LINGO2: variants seen among roughly 807,000 people sequenced by gnomAD.
LINGO2 encodes the protein leucine rich repeat and Ig domain containing 2.
Under a neutral mutation model 30.6 loss-of-function variants are expected in LINGO2, and 14 were observed. That is an observed-to-expected ratio of 0.46 (90% CI 0.30 to 0.72). The LOEUF (loss-of-function observed/expected upper bound fraction) is 0.72, where lower values mean the gene tolerates loss of function less well. LINGO2 is among the 30% of genes least tolerant of loss of function. The pLI is 0.07. For synonymous variants in LINGO2, 317 were observed against 288.5 expected, an observed-to-expected ratio of 1.10 and a Z score of -1.00; for missense variants, 729 against 751.7, an observed-to-expected ratio of 0.97 and a Z score of 0.35.
intron 3 of LINGO2, among the ~76,000 whole-genome samples, chr9:28,338,863 G>C (rs891649675): frequency 2.6e-5 from 4 of 151,990 alleles, no homozygotes; most frequent in African/African-American, 9.7e-5. Context: ...CCAGTCTAGG[G>C]TAACTTTATT....
chr9:29,030,386 T>C, the LINGO2 span, among the ~76,000 whole-genome samples: 1 of 152,114 alleles, frequency 6.6e-6, no homozygotes, highest in African/African-American at 2.4e-5. Context: ...ATACCCCTCA[T>C]CCGGATTTCC....
chr9:28,865,561 T>A, the LINGO2 span, among the ~76,000 whole-genome samples: 1 of 152,052 alleles, frequency 6.6e-6, no homozygotes, highest in African/African-American at 2.4e-5. Context: ...GGCGGGAGGA[T>A]CATGAGGTCA....
intron 3 of LINGO2, among the ~76,000 whole-genome samples, chr9:28,361,217 G>A (rs74811398): frequency 0.094 from 14,242 of 152,072 alleles, 946 homozygotes; most frequent in Admixed American, 0.16. Flanking sequence ...CTTAATAAGC[G>A]GCCCCAAAGT....
chr9:28,047,709 G>A (rs770150292), intron 4 of LINGO2, among the ~76,000 whole-genome samples: 8 of 150,686 alleles, frequency 5.3e-5, no homozygotes, highest in Non-Finnish European at 1.2e-4. Context: ...GCACAATGTC[G>A]GGTGCATATT....
At chr9:27,988,901 TAAA>T (rs1221136653) in intron 5 of LINGO2, among the ~76,000 whole-genome samples, 1 of 148,704 alleles carries the variant, frequency 6.7e-6, no homozygotes, top group Non-Finnish European at 1.5e-5. Context: ...CACTTCATCT[TAAA>T]AAAGAAAAAA....
At chr9:28,071,530 C>A (rs1373385397) in intron 4 of LINGO2, among the ~76,000 whole-genome samples, 1 of 151,386 alleles carries the variant, frequency 6.6e-6, no homozygotes, top group East Asian at 1.9e-4. Context: ...TTTGTACTTT[C>A]CCAACTATTC....
the LINGO2 span, among the ~76,000 whole-genome samples, chr9:29,210,916 G>A: frequency 1.3e-5 from 2 of 152,028 alleles, no homozygotes; most frequent in African/African-American, 4.8e-5. Flanking sequence ...ATGCTACTGG[G>A]TGATGGTGAC....
At chr9:29,194,602 C>T in the LINGO2 span, among the ~76,000 whole-genome samples, 1 of 152,108 alleles carries the variant, frequency 6.6e-6, no homozygotes, top group African/African-American at 2.4e-5. Context: ...CTCCAAATTC[C>T]AAGGAATAAA....
intron 3 of LINGO2, among the ~76,000 whole-genome samples, chr9:28,368,249 C>T (rs969401071): frequency 1.3e-5 from 2 of 152,010 alleles, no homozygotes; most frequent in Non-Finnish European, 2.9e-5. Flanking sequence ...GAGTTTCCTT[C>T]TGTTTATTGC....
intron 4 of LINGO2, among the ~76,000 whole-genome samples, chr9:28,125,523 T>C (rs544453601): frequency 5.9e-5 from 9 of 152,316 alleles, no homozygotes; most frequent in South Asian, 2.1e-4. Context: ...TAGACTGTTA[T>C]GGTTCTCCTA....
chr9:28,015,444 C>T (rs543390435), intron 4 of LINGO2, among the ~76,000 whole-genome samples: 6 of 151,462 alleles, frequency 4.0e-5, no homozygotes, highest in African/African-American at 1.5e-4. Context: ...CTGTCAAGCC[C>T]GTAAGTAAAT....
chr9:29,100,270 G>A, the LINGO2 span, among the ~76,000 whole-genome samples: 1 of 152,122 alleles, frequency 6.6e-6, no homozygotes, highest in Admixed American at 6.6e-5. Context: ...CGGGGGAGGG[G>A]AAGCCATTTT....
chr9:28,169,454 G>A (rs931371661), intron 4 of LINGO2, among the ~76,000 whole-genome samples: 13 of 152,164 alleles, frequency 8.5e-5, no homozygotes, highest in African/African-American at 3.1e-4. Context: ...AAAACCGGAA[G>A]AAAACATATT....
chr9:28,985,010 C>A, the LINGO2 span, among the ~76,000 whole-genome samples: 2 of 152,012 alleles, frequency 1.3e-5, no homozygotes, highest in Non-Finnish European at 2.9e-5. Flanking sequence ...ACCCTTTGAC[C>A]ATTATCTCCC....
chr9:28,659,796 G>A (rs7047837), intron 1 of LINGO2, among the ~76,000 whole-genome samples: 25,571 of 151,976 alleles, frequency 0.17, 3,258 homozygotes, highest in African/African-American at 0.36. Context: ...GTCCAGTGTC[G>A]TAATAGGTTG....
At chr9:28,289,399 T>G (rs924565504) in intron 4 of LINGO2, among the ~76,000 whole-genome samples, 1 of 152,220 alleles carries the variant, frequency 6.6e-6, no homozygotes, top group African/African-American at 2.4e-5. Flanking sequence ...TACATCCTGA[T>G]TAGCAGGATT....
intron 4 of LINGO2, among the ~76,000 whole-genome samples, chr9:28,090,921 C>G (rs927498097): frequency 1.3e-5 from 2 of 152,072 alleles, no homozygotes; most frequent in African/African-American, 4.8e-5. Flanking sequence ...ACACCAATAA[C>G]AGACAAACAG....
At chr9:28,200,767 A>T (rs918675308) in intron 4 of LINGO2, among the ~76,000 whole-genome samples, 2 of 152,238 alleles carry the variant, frequency 1.3e-5, no homozygotes, top group Non-Finnish European at 2.9e-5. Flanking sequence ...AAATTTCTAT[A>T]TGCAGAATAA....
the LINGO2 span, among the ~76,000 whole-genome samples, chr9:28,734,477 A>G: frequency 1.3e-5 from 2 of 152,328 alleles, no homozygotes; most frequent in Admixed American, 1.3e-4. Context: ...GTAGGTAAGT[A>G]GGGGACTACT....
Sources: allele counts gnomAD v4.1 joint callset (sites outside exome capture counted in the v4.1 genomes callset), GRCh38; gene constraint gnomAD v4.1.1; transcripts MANE v1.5; gene names NCBI Gene and HGNC (gene_info 2026-07-23, HGNC 2026-07-21).